Variants in ANK3 observed in about 807,000 individuals in gnomAD.
ANK3 encodes the protein ankyrin 3.
Under a neutral mutation model 370.9 loss-of-function variants are expected in ANK3, and 57 were observed. The observed-to-expected ratio is 0.15, with a 90% CI of 0.12 to 0.19. The LOEUF (loss-of-function observed/expected upper bound fraction) is 0.19, where lower values mean the gene tolerates loss of function less well. Ranked by LOEUF, ANK3 falls within the 10% of genes least tolerant of loss-of-function variation. The probability of loss-of-function intolerance (pLI) is 1.00; values close to 1 mark genes in which losing one functional copy is unlikely to be tolerated. For synonymous variants in ANK3, 1,929 were observed against 1,946.3 expected, an observed-to-expected ratio of 0.99 and a Z score of 0.23; for missense variants, 4,439 against 5,302.1, an observed-to-expected ratio of 0.84 and a Z score of 5.06.
intron 28 of ANK3, among the ~76,000 whole-genome samples, chr10:60,104,777 T>C (rs2091937859): frequency 6.6e-6 from 1 of 152,226 alleles, no homozygotes; most frequent in Admixed American, 6.5e-5. Context: ...ACAAATATAA[T>C]GGTGATAATA....
At chr10:60,731,246 T>C (rs1172884672) in intron 1 of ANK3, among the ~76,000 whole-genome samples, 1 of 152,056 alleles carries the variant, frequency 6.6e-6, no homozygotes, top group African/African-American at 2.4e-5. Context: ...AATTAAGTAC[T>C]GAAAAAAAGA....
intron 2 of ANK3, among the ~76,000 whole-genome samples, chr10:60,424,367 C>G (rs539070843): frequency 1.3e-5 from 2 of 152,050 alleles, no homozygotes; most frequent in East Asian, 1.9e-4. Flanking sequence ...AAATACCAAT[C>G]AAGTCTTTCA....
intron 1 of ANK3, among the ~76,000 whole-genome samples, chr10:60,651,902 G>A (rs543253474): frequency 2.2e-4 from 33 of 152,184 alleles, no homozygotes; most frequent in African/African-American, 7.7e-4. Context: ...CTCAAATAGT[G>A]CTCAGCTAAA....
chr10:60,516,669 T>C (rs1236563324), intron 2 of ANK3, among the ~76,000 whole-genome samples: 4 of 152,098 alleles, frequency 2.6e-5, no homozygotes, highest in African/African-American at 9.7e-5. Flanking sequence ...TGATCCCAGT[T>C]ACCCAGAGGA....
chr10:60,073,378 C>G lies in ANK3; in HGVS notation c.7503G>C (p.Arg2501=). The G allele has an allele frequency of 1.9e-6, 3 of 1,613,784 alleles. No individual in the cohort carries two copies. The highest frequency in any genetic ancestry group is 2.5e-6 in the Non-Finnish European group (3 of 1,179,998). The change falls in exon 37 of 44, where the codon CGG becomes CGC. Residue 2501 remains arginine (R), a synonymous_variant. Transcript: ENST00000280772. ...PSSELQGSDK[R]SREKIATAPK... ...GGGCAGTGGCTATTTTTTCTCTGGA[C>G]CGCTTATCAGACCCCTGTAACTCTG... is the stretch of plus-strand genomic sequence containing the variant.
chr10:60,045,544 G>A (rs944539776), intron 42 of ANK3, among the ~76,000 whole-genome samples: 1 of 152,184 alleles, frequency 6.6e-6, no homozygotes, highest in Non-Finnish European at 1.5e-5. Context: ...GGGAGAACAA[G>A]GATAAAGATC....
At chr10:60,301,249 C>T (rs913186425) in intron 1 of ANK3, among the ~76,000 whole-genome samples, 3 of 138,814 alleles carry the variant, frequency 2.2e-5, no homozygotes, top group Non-Finnish European at 1.6e-5. Flanking sequence ...TATACATATA[C>T]ACACACACAT....
At chr10:60,262,082 T>C (rs2097815396) in intron 6 of ANK3, 125 bp from the exon 7 acceptor site, 3 of 737,858 alleles carry the variant, frequency 4.1e-6, no homozygotes, top group Non-Finnish European at 6.7e-6. Context: ...TGTTCCATTC[T>C]GTACTAGGTT....
intron 1 of ANK3, among the ~76,000 whole-genome samples, chr10:60,712,283 TAATTTACC>T (rs1236297232): frequency 6.6e-6 from 1 of 152,254 alleles, no homozygotes; most frequent in Non-Finnish European, 1.5e-5. Flanking sequence ...CTGGATCTGT[TAATTTACC>T]AGTAATTTAG....
At chr10:60,416,394 T>G (rs923047619) in intron 2 of ANK3, among the ~76,000 whole-genome samples, 1 of 152,188 alleles carries the variant, frequency 6.6e-6, no homozygotes, top group East Asian at 1.9e-4. Flanking sequence ...TAAAAATCAT[T>G]AAGCGCATGT....
chr10:60,696,908 T>TC (rs1345272772), intron 1 of ANK3, among the ~76,000 whole-genome samples: 4 of 144,350 alleles, frequency 2.8e-5, no homozygotes, highest in Non-Finnish European at 4.5e-5. Context: ...GCCAGGGCAA[T>TC]CAGGCAGGAG....
chr10:60,196,265 A>G (rs2096583737), intron 15 of ANK3, 22 bp from the exon 16 acceptor site: 3 of 1,603,254 alleles, frequency 1.9e-6, no homozygotes, highest in Non-Finnish European at 1.7e-6. Flanking sequence ...TGCAGAAACA[A>G]CAACCAGTGT....
chr10:60,065,439 T>C (rs2081448824), intron 38 of ANK3, among the ~76,000 whole-genome samples: 2 of 152,188 alleles, frequency 1.3e-5, no homozygotes, highest in African/African-American at 2.4e-5. Context: ...GTCAAGACTC[T>C]ATCCCCCTTA....
At chr10:60,223,849 AC>A (rs1349484175) in intron 8 of ANK3, among the ~76,000 whole-genome samples, 4 of 152,188 alleles carry the variant, frequency 2.6e-5, no homozygotes, top group Non-Finnish European at 5.9e-5. Context: ...TACTCAGAAT[AC>A]TAATAAGCGT....
intron 1 of ANK3, among the ~76,000 whole-genome samples, chr10:60,649,306 C>CAAA (rs35961217): frequency 3.3e-5 from 5 of 150,780 alleles, no homozygotes; most frequent in South Asian, 2.1e-4. Context: ...ACTGTATTAT[C>CAAA]AAAAAAAAAT....
chr10:60,034,835 T>C (rs1261579699), intron 43 of ANK3, among the ~76,000 whole-genome samples: 1 of 152,244 alleles, frequency 6.6e-6, no homozygotes, highest in Non-Finnish European at 1.5e-5. Flanking sequence ...ACAGAAATCA[T>C]GGACTAAGAC....
At chr10:60,486,521 A>T (rs1401086543) in intron 2 of ANK3, among the ~76,000 whole-genome samples, 1 of 152,234 alleles carries the variant, frequency 6.6e-6, no homozygotes. Context: ...CAGAGGTTGC[A>T]GTGAGCTGAG....
intron 24 of ANK3, 73 bp from the exon 25 acceptor site, chr10:60,134,446 C>CTTTAAG: frequency 4.3e-6 from 5 of 1,172,556 alleles, no homozygotes; most frequent in Non-Finnish European, 6.1e-6. Context: ...TTAATGCATG[C>CTTTAAG]AACTTTAAGA....
chr10:60,494,562 C>A (rs1355556118), intron 2 of ANK3, among the ~76,000 whole-genome samples: 1 of 152,104 alleles, frequency 6.6e-6, no homozygotes, highest in African/African-American at 2.4e-5. Context: ...GAACCTGATG[C>A]TTGACATATA....
Sources: allele counts gnomAD v4.1 joint callset (sites outside exome capture counted in the v4.1 genomes callset), GRCh38; gene constraint gnomAD v4.1.1; transcripts MANE v1.5; gene names NCBI Gene and HGNC (gene_info 2026-07-23, HGNC 2026-07-21).